The following GNG7 variants were observed in gnomAD, a reference collection of about 807,000 sequenced individuals.
GNG7 encodes the protein G protein subunit gamma 7.
In GNG7, 1 loss-of-function variant was observed where a neutral mutation model predicts 4.0. The observed-to-expected ratio is 0.25, with a 90% CI of 0.09 to 1.18. GNG7 has a LOEUF of 1.18. GNG7 is among the 50% of genes most tolerant of loss of function. The pLI is 0.50. For missense variants in GNG7, 86 were observed against 91.9 expected (o/e 0.94, Z 0.26); for synonymous variants, 34 against 36.9 (o/e 0.92, Z 0.29).
At chr19:2,684,440 C>G (rs1464619810) in intron 1 of GNG7, among the ~76,000 whole-genome samples, 6 of 151,738 alleles carry the variant, frequency 4.0e-5, no homozygotes, top group Admixed American at 3.9e-4. Context: ...CGGCCCGCAC[C>G]AGTGCTGTTG....
At chr19:2,547,231 A>G (rs1979159263) in intron 3 of GNG7, among the ~76,000 whole-genome samples, 1 of 152,042 alleles carries the variant, frequency 6.6e-6, no homozygotes, top group South Asian at 2.1e-4. Context: ...GTGTCCTGTG[A>G]CATTGTGGCT....
At chr19:2,681,929 A>C (rs1983746488) in intron 1 of GNG7, among the ~76,000 whole-genome samples, 1 of 152,048 alleles carries the variant, frequency 6.6e-6, no homozygotes, top group Non-Finnish European at 1.5e-5. Context: ...TTTTTGTTTG[A>C]GATGGAGTCT....
In GNG7 at chr19:2,653,713, G is replaced by A. The variant is rs116865909; in HGVS notation, c.-134-7433C>T. ...GGCATCCCCCATCTAGAGCTGTTCC[G>A]TTGCCTTGAATTTCTGCCCTCTGGC... On this transcript the variant is annotated intron_variant, in intron 1 of 4. Transcript: ENST00000382159. This position sits in a 1 kb window ranked among gnomAD's most constrained non-coding sequence, Gnocchi z 4.8. Among the ~76,000 whole-genome samples, 1,697 of 152,232 alleles carry A rather than the reference G, an allele frequency of 0.011. 8 individuals carry two copies. Among genetic ancestry groups the A allele is most frequent in the Non-Finnish European group, 0.018 (1,247 of 67,998 alleles).
rs577624792 is a variant in GNG7 at position 2,513,364 on chromosome 19, G to C, written c.*1658C>G. 5.4e-5 allele frequency: 23 copies of C among 424,822 alleles called. No homozygotes were observed. The highest frequency in any genetic ancestry group is 1.9e-4 in the Admixed American group (3 of 15,600). The allele number at this position is 424,822 out of a possible 1,614,324, so 26.3% of individuals were successfully genotyped here. ...CTTGCTTCTAGGCCAGCCCCGTGGA[G>C]GGGGTCGGGGCGGCCAGGCCTCCTG... On this transcript the variant is annotated 3_prime_UTR_variant, in exon 5 of 5. Coordinates refer to ENST00000382159, the MANE Select transcript of GNG7 (RefSeq NM_052847.3).
At chr19:2,692,120 C>T (rs888173958) in intron 1 of GNG7, among the ~76,000 whole-genome samples, 2 of 152,198 alleles carry the variant, frequency 1.3e-5, no homozygotes, top group East Asian at 1.9e-4. Context: ...ACCACCCGGT[C>T]TGTGGTCATT....
At chr19:2,570,480 C>T (rs1230475686) in intron 2 of GNG7, among the ~76,000 whole-genome samples, 3 of 152,130 alleles carry the variant, frequency 2.0e-5, no homozygotes, top group Non-Finnish European at 2.9e-5. Context: ...GGATGGGGCC[C>T]GTGTTCACTG....
At chr19:2,538,726 G>C (rs1465506386) in intron 3 of GNG7, 1 of 460,254 alleles carries the variant, frequency 2.2e-6, no homozygotes, top group Non-Finnish European at 4.4e-6. Flanking sequence ...CACTGCATTG[G>C]AAGTGCTGAT....
At chr19:2,563,925 C>A (rs1443185659) in intron 2 of GNG7, among the ~76,000 whole-genome samples, 1 of 151,882 alleles carries the variant, frequency 6.6e-6, no homozygotes, top group Non-Finnish European at 1.5e-5. Flanking sequence ...AACAACACAG[C>A]AGCATTGCAA....
intron 3 of GNG7, among the ~76,000 whole-genome samples, chr19:2,525,039 C>G (rs187765234): frequency 6.6e-6 from 1 of 152,260 alleles, no homozygotes; most frequent in Admixed American, 6.5e-5. Context: ...GGCACTGACT[C>G]AGGAGCAGCC....
intron 3 of GNG7, among the ~76,000 whole-genome samples, chr19:2,537,599 T>TA (rs914123264): frequency 3.2e-4 from 49 of 152,138 alleles, no homozygotes; most frequent in Non-Finnish European, 8.8e-5. Context: ...AATCAACATA[T>TA]AATACACTGA....
At chr19:2,573,787 G>A (rs149001328) in intron 2 of GNG7, among the ~76,000 whole-genome samples, 1 of 152,300 alleles carries the variant, frequency 6.6e-6, no homozygotes, top group Admixed American at 6.5e-5. Context: ...AGGTGGCAGT[G>A]AGCCGAGATC....
At chr19:2,561,470 C>T (rs1979738873) in intron 2 of GNG7, among the ~76,000 whole-genome samples, 1 of 152,098 alleles carries the variant, frequency 6.6e-6, no homozygotes, top group Non-Finnish European at 1.5e-5. Context: ...AGGAGGGGCC[C>T]TGTCCTCCCC....
rs1423825882 is a variant in GNG7, at chr19:2,634,537, G to A, written c.-78+11687C>T. Among the ~76,000 whole-genome samples, 2 of 152,134 alleles carry A rather than the reference G, an allele frequency of 1.3e-5. No homozygotes were observed. Among genetic ancestry groups the A allele is most frequent in the African/African-American group, 4.8e-5 (2 of 41,414 alleles). ...TACAGGGAGAGGTTTCTGAGTCCTG[G>A]AGACTGTGGCAGAGCCCCTGATTTC... On this transcript the variant is annotated intron_variant, in intron 2 of 4. Transcript: ENST00000382159. The surrounding 1 kb of genome is among the most constrained non-coding windows in gnomAD (Gnocchi z 5.3).
intron 1 of GNG7, among the ~76,000 whole-genome samples, chr19:2,701,508 C>T (rs892323648): frequency 4.0e-5 from 6 of 150,982 alleles, no homozygotes; most frequent in African/African-American, 7.3e-5. Flanking sequence ...CTGACCCCCA[C>T]CTGTATGCTC....
rs1405505645 is a variant in GNG7 at position 2,633,479 on chromosome 19, GCGCGCGCGCACACA to G, written c.-78+12731_-78+12744del. On this transcript the variant is annotated intron_variant, in intron 2 of 4. Transcript: ENST00000382159. This position sits in a 1 kb window ranked among gnomAD's most constrained non-coding sequence, Gnocchi z 5.9. ...CGGTTGCTTAGCAACAGGCGCGCGC[GCGCGCGCGCACACA>G]CACACACACACACACACACACACAC... Among the ~76,000 whole-genome samples, 96 of 73,368 alleles carry G rather than the reference GCGCGCGCGCACACA, an allele frequency of 1.3e-3. No individual in the cohort carries two copies. The highest frequency in any genetic ancestry group is 4.9e-3 in the African/African-American group (93 of 18,996). 48.1% of individuals were successfully genotyped at this position (73,368 alleles called of 152,430 possible).
chr19:2,664,011 C>T (rs1346627329), intron 1 of GNG7, among the ~76,000 whole-genome samples: 5 of 152,128 alleles, frequency 3.3e-5, no homozygotes, highest in Admixed American at 2.0e-4. Context: ...GCAGGCTTGC[C>T]CCCAGTTGAG....
intron 2 of GNG7, among the ~76,000 whole-genome samples, chr19:2,585,306 GC>G (rs1980638366): frequency 6.6e-6 from 1 of 152,024 alleles, no homozygotes. Context: ...TAGCATATAT[GC>G]CATATAAGTA....
At chr19:2,526,934 C>T (rs1314669149) in intron 3 of GNG7, among the ~76,000 whole-genome samples, 1 of 151,948 alleles carries the variant, frequency 6.6e-6, no homozygotes, top group Non-Finnish European at 1.5e-5. Flanking sequence ...CAACCTCCAC[C>T]TCCTGAGTTC....
intron 1 of GNG7, among the ~76,000 whole-genome samples, chr19:2,687,923 G>A (rs1983912838): frequency 6.7e-6 from 1 of 150,306 alleles, no homozygotes; most frequent in Non-Finnish European, 1.5e-5. Flanking sequence ...TCGTGCCACT[G>A]TACTCCAACC....
Sources: gnomAD v4.1 joint callset for allele counts (sites outside exome capture counted in the v4.1 genomes callset) on GRCh38, gnomAD v4.1.1 for gene constraint, Gnocchi (gnomAD v3.1) non-coding constraint, MANE v1.5 for transcripts, NCBI Gene and HGNC (gene_info 2026-07-23, HGNC 2026-07-21) for gene names.